ADAMTS12: variants seen among roughly 807,000 people sequenced by gnomAD.
The protein encoded by ADAMTS12 is A disintegrin and metalloproteinase with thrombospondin motifs 12.
Under a neutral mutation model 167.8 loss-of-function variants are expected in ADAMTS12, and 118 were observed. The observed-to-expected ratio is 0.70, with a 90% CI of 0.61 to 0.82. ADAMTS12 has a LOEUF of 0.82. Among genes scored for constraint, ADAMTS12 ranks in the 40% least tolerant of loss-of-function variants. The probability of loss-of-function intolerance (pLI) is 0.00; values close to 1 mark genes in which losing one functional copy is unlikely to be tolerated. For missense variants in ADAMTS12, 1,916 were observed against 1,998.8 expected, an observed-to-expected ratio of 0.96 and a Z score of 0.79; for synonymous variants, 704 against 716.9, an observed-to-expected ratio of 0.98 and a Z score of 0.29.
intron 1 of ADAMTS12, among the ~76,000 whole-genome samples, chr5:33,890,670 A>C (rs1384171663): frequency 6.6e-6 from 1 of 152,192 alleles, no homozygotes; most frequent in African/African-American, 2.4e-5. Flanking sequence ...AGTGCATGCT[A>C]ACCCAGTGCT....
chr5:33,705,390 G>A (rs965080537), intron 3 of ADAMTS12, among the ~76,000 whole-genome samples: 1 of 151,784 alleles, frequency 6.6e-6, no homozygotes, highest in Non-Finnish European at 1.5e-5. Context: ...GTTTTTTGCT[G>A]TTGAGTTGTT....
At chr5:33,572,051 G>T (rs974672039) in intron 19 of ADAMTS12, among the ~76,000 whole-genome samples, 2 of 152,126 alleles carry the variant, frequency 1.3e-5, no homozygotes, top group African/African-American at 4.8e-5. Context: ...AAACCAGGAA[G>T]AAGTTGAATC....
chr5:33,863,324 T>A (rs1749691601), intron 2 of ADAMTS12, among the ~76,000 whole-genome samples: 1 of 152,242 alleles, frequency 6.6e-6, no homozygotes, highest in South Asian at 2.1e-4. Flanking sequence ...TTCCTTAAGC[T>A]GATAAGCAAC....
chr5:33,738,020 G>A (rs948981930), intron 3 of ADAMTS12, among the ~76,000 whole-genome samples: 4 of 152,210 alleles, frequency 2.6e-5, no homozygotes, highest in African/African-American at 9.7e-5. Context: ...CCACTGTTAA[G>A]CCCTCACCTT....
At chr5:33,830,350 C>T (rs1435834388) in intron 2 of ADAMTS12, among the ~76,000 whole-genome samples, 3 of 152,148 alleles carry the variant, frequency 2.0e-5, no homozygotes, top group Non-Finnish European at 4.4e-5. Flanking sequence ...TGATATAAGA[C>T]TAGCTCAATT....
chr5:33,700,539 T>C (rs1486026635), intron 3 of ADAMTS12, among the ~76,000 whole-genome samples: 1 of 152,096 alleles, frequency 6.6e-6, no homozygotes, highest in African/African-American at 2.4e-5. Context: ...GATGAGGGCA[T>C]GGTAGGGAGG....
intron 18 of ADAMTS12, among the ~76,000 whole-genome samples, chr5:33,585,655 A>G (rs987115378): frequency 2.0e-5 from 3 of 152,236 alleles, no homozygotes; most frequent in Non-Finnish European, 4.4e-5. Context: ...TCTGTTTACA[A>G]TAGAGTTCCC....
chr5:33,803,392 C>G (rs766336590), intron 2 of ADAMTS12, among the ~76,000 whole-genome samples: 1 of 152,170 alleles, frequency 6.6e-6, no homozygotes, highest in Admixed American at 6.5e-5. Flanking sequence ...GTGGTAAATG[C>G]TACCTTGGTT....
intron 15 of ADAMTS12, among the ~76,000 whole-genome samples, chr5:33,615,426 C>T (rs2112096370): frequency 6.6e-6 from 1 of 152,296 alleles, no homozygotes; most frequent in East Asian, 1.9e-4. Context: ...TATTCTAACT[C>T]CTCCTTCCAG....
rs1440122857 is a variant in ADAMTS12 at position 33,641,945 on chromosome 5, G to T, written c.1583C>A (p.Ala528Glu). ...CTTCCCCACTGTGATGCACTTGCCTGCCATACACCACTGGAAAGGGAAGAG... is the reference window on the plus strand; with the variant it reads ...CTTCCCCACTGTGATGCACTTGCCTTCCATACACCACTGGAAAGGGAAGAG... The part of the protein sequence containing the change: ...TQCGEKKWCM[A>E]GKCITVGKKP... The change falls in exon 11 of 24, where the codon GCA becomes GAA. Residue 528 changes from alanine (A) to glutamate (E), a missense_variant. By Grantham distance (107) the Ala-to-Glu change is moderately radical. Coordinates refer to ENST00000504830, the MANE Select transcript of ADAMTS12 (RefSeq NM_030955.4). 6.2e-7 allele frequency: 1 copy of T among 1,612,280 alleles called. No individual in the cohort carries two copies. The highest frequency in any genetic ancestry group is 2.2e-5 in the East Asian group (1 of 44,794).
intron 20 of ADAMTS12, among the ~76,000 whole-genome samples, chr5:33,554,996 C>T (rs1168814812): frequency 3.3e-5 from 5 of 152,168 alleles, no homozygotes; most frequent in African/African-American, 4.8e-5. Flanking sequence ...TTCTGATTCA[C>T]TTCAGAAATA....
At chr5:33,704,860 T>A (rs1743131470) in intron 3 of ADAMTS12, among the ~76,000 whole-genome samples, 1 of 152,218 alleles carries the variant, frequency 6.6e-6, no homozygotes, top group Non-Finnish European at 1.5e-5. Context: ...TTGTCTATTT[T>A]TTGTTTCGTT....
chr5:33,638,595 T>C (rs1454833983), intron 11 of ADAMTS12, among the ~76,000 whole-genome samples: 2 of 152,184 alleles, frequency 1.3e-5, no homozygotes, highest in Admixed American at 6.5e-5. Flanking sequence ...TCACGAATCC[T>C]TCCTGGATTT....
chr5:33,526,938 C>T lies in ADAMTS12; in HGVS notation c.*250G>A, dbSNP rs1743845845. ...TCTAACCTGGCACCTTTCCCAGGAG[C>T]CGATACCAGGTGCTGCCTGATTCTC... On this transcript the variant is annotated 3_prime_UTR_variant, in exon 24 of 24. Transcript: ENST00000504830. 1 of 464,588 alleles carries T rather than the reference C, an allele frequency of 2.2e-6. No homozygotes were observed. The allele number at this position is 464,588 out of a possible 1,614,324, so 28.8% of individuals were successfully genotyped here. A position where few individuals can be genotyped will look rare whatever the true frequency, so the allele number is the denominator to read the frequency against.
chr5:33,625,926 CTCT>C (rs1739567059), intron 13 of ADAMTS12, among the ~76,000 whole-genome samples: 1 of 152,220 alleles, frequency 6.6e-6, no homozygotes, highest in Admixed American at 6.5e-5. Flanking sequence ...ACAAACCTCA[CTCT>C]TCTTCATAAC....
intron 5 of ADAMTS12, among the ~76,000 whole-genome samples, chr5:33,662,921 C>G (rs545885541): frequency 6.6e-6 from 1 of 152,202 alleles, no homozygotes; most frequent in Non-Finnish European, 1.5e-5. Flanking sequence ...CTGGCTCACT[C>G]TCATCTGAGC....
intron 3 of ADAMTS12, among the ~76,000 whole-genome samples, chr5:33,730,546 A>G (rs1156256582): frequency 6.6e-6 from 1 of 152,122 alleles, no homozygotes; most frequent in East Asian, 1.9e-4. Context: ...TCTTAAAGTG[A>G]TGAATAAAGG....
chr5:33,736,094 C>T (rs1166285944), intron 3 of ADAMTS12, among the ~76,000 whole-genome samples: 1 of 150,002 alleles, frequency 6.7e-6, no homozygotes, highest in African/African-American at 2.5e-5. Flanking sequence ...CAGAGTCTCA[C>T]TCTTGTCACC....
chr5:33,639,876 T>A (rs751613174), intron 11 of ADAMTS12, among the ~76,000 whole-genome samples: 3 of 152,216 alleles, frequency 2.0e-5, no homozygotes, highest in Non-Finnish European at 4.4e-5. Context: ...TGTTCCTCAC[T>A]CATGAAAGAG....
Sources: allele counts gnomAD v4.1 joint callset (sites outside exome capture counted in the v4.1 genomes callset), GRCh38; gene constraint gnomAD v4.1.1; transcripts MANE v1.5; gene names NCBI Gene and HGNC (gene_info 2026-07-23, HGNC 2026-07-21).